OR1J2: variants seen among roughly 807,000 people sequenced by gnomAD.
OR1J2 encodes olfactory receptor family 1 subfamily J member 2, also known as olfactory receptor 1J2.
For synonymous variants in OR1J2, 142 were observed against 99.7 expected, an observed-to-expected ratio of 1.42 and a Z score of -2.52; for missense variants, 304 against 246.1, an observed-to-expected ratio of 1.24 and a Z score of -1.57.
chr9:122,518,465 T>C, the OR1J2 span, among the ~76,000 whole-genome samples: 1 of 152,248 alleles, frequency 6.6e-6, no homozygotes, highest in Admixed American at 6.5e-5. Context: ...AGTCCTCACA[T>C]GGCAATGCCA....
the OR1J2 span, among the ~76,000 whole-genome samples, chr9:122,464,681 A>C: frequency 6.6e-6 from 1 of 152,182 alleles, no homozygotes; most frequent in Non-Finnish European, 1.5e-5. Context: ...TGGGTGAGGA[A>C]CTGGGTAGGT....
At chr9:122,576,096 G>A in the OR1J2 span, among the ~76,000 whole-genome samples, 5 of 152,116 alleles carry the variant, frequency 3.3e-5, no homozygotes, top group African/African-American at 1.2e-4. Context: ...ATATTGTAAG[G>A]CTGAATAAAT....
At chr9:122,500,474 T>A in the OR1J2 span, among the ~76,000 whole-genome samples, 1 of 152,228 alleles carries the variant, frequency 6.6e-6, no homozygotes. Flanking sequence ...CCTTCTTGAA[T>A]TAAAGTGCAC....
the OR1J2 span, among the ~76,000 whole-genome samples, chr9:122,518,091 GA>G: frequency 6.6e-6 from 1 of 152,162 alleles, no homozygotes; most frequent in Non-Finnish European, 1.5e-5. Flanking sequence ...CAATAGCAAA[GA>G]CATGGAATCA....
chr9:122,503,406 G>A, the OR1J2 span, among the ~76,000 whole-genome samples: 12 of 152,188 alleles, frequency 7.9e-5, no homozygotes, highest in African/African-American at 2.9e-4. Context: ...TTCAGCAGTG[G>A]CAGCAGCTAG....
chr9:122,457,333 C>G, the OR1J2 span, among the ~76,000 whole-genome samples: 92 of 152,090 alleles, frequency 6.0e-4, no homozygotes, highest in East Asian at 0.012. Context: ...ACACGTTTGC[C>G]TATGTAACAA....
the OR1J2 span, among the ~76,000 whole-genome samples, chr9:122,466,877 G>A: frequency 6.6e-6 from 1 of 152,016 alleles, no homozygotes; most frequent in South Asian, 2.1e-4. Flanking sequence ...GGAGTGCAGT[G>A]GTGCGATCTC....
At chr9:122,457,413 C>T in the OR1J2 span, among the ~76,000 whole-genome samples, 1 of 151,966 alleles carries the variant, frequency 6.6e-6, no homozygotes, top group African/African-American at 2.4e-5. Context: ...ATCAAAGAAA[C>T]TACTACTACC....
chr9:122,517,850 CT>C, the OR1J2 span, among the ~76,000 whole-genome samples: 1 of 152,084 alleles, frequency 6.6e-6, no homozygotes, highest in Non-Finnish European at 1.5e-5. Flanking sequence ...TTCGTTAGCT[CT>C]TTTTCCTGAT....
chr9:122,498,945 A>G, the OR1J2 span, among the ~76,000 whole-genome samples: 1 of 152,118 alleles, frequency 6.6e-6, no homozygotes, highest in African/African-American at 2.4e-5. Context: ...CAGATTTTAT[A>G]TTGGGCTGTG....
chr9:122,553,507 G>C, the OR1J2 span: 3 of 1,613,976 alleles, frequency 1.9e-6, no homozygotes, highest in South Asian at 3.3e-5. Context: ...TCGTATTCTG[G>C]GTGTCTTGCA....
chr9:122,550,015 C>T, the OR1J2 span, among the ~76,000 whole-genome samples: 3 of 151,738 alleles, frequency 2.0e-5, no homozygotes, highest in African/African-American at 4.8e-5. Context: ...TCCATTTATT[C>T]GTGTCATCTA....
At chr9:122,554,232 A>G in the OR1J2 span, 2 of 1,198,364 alleles carry the variant, frequency 1.7e-6, no homozygotes, top group African/African-American at 1.5e-5. Context: ...CAGTAATTCT[A>G]CTACTGTCAT....
At chr9:122,523,043 A>G in the OR1J2 span, among the ~76,000 whole-genome samples, 1 of 152,302 alleles carries the variant, frequency 6.6e-6, no homozygotes, top group African/African-American at 2.4e-5. Context: ...AGAGACGATG[A>G]AATACTTACA....
chr9:122,573,473 T>C, the OR1J2 span, among the ~76,000 whole-genome samples: 1 of 152,238 alleles, frequency 6.6e-6, no homozygotes, highest in East Asian at 1.9e-4. Flanking sequence ...ATTGTTGTTT[T>C]AATTTGAATT....
chr9:122,495,781 C>T, the OR1J2 span, among the ~76,000 whole-genome samples: 20 of 152,138 alleles, frequency 1.3e-4, no homozygotes, highest in African/African-American at 4.8e-4. Flanking sequence ...GTATTACCAG[C>T]ATTTTTTTCT....
At chr9:122,548,885 T>C in the OR1J2 span, among the ~76,000 whole-genome samples, 1 of 151,892 alleles carries the variant, frequency 6.6e-6, no homozygotes, top group African/African-American at 2.4e-5. Flanking sequence ...GTCAGATGCA[T>C]AGTTGGCAAA....
chr9:122,520,178 T>G, the OR1J2 span: 4 of 817,688 alleles, frequency 4.9e-6, no homozygotes, highest in East Asian at 1.1e-4. Flanking sequence ...GCTCAGTAAC[T>G]CTCTGATGAC....
the OR1J2 span, among the ~76,000 whole-genome samples, chr9:122,572,521 G>T: frequency 6.6e-6 from 1 of 152,032 alleles, no homozygotes; most frequent in African/African-American, 2.4e-5. Context: ...TAAAGTACAG[G>T]GTGAGTGTAT....
Sources: gnomAD v4.1 joint callset for allele counts (sites outside exome capture counted in the v4.1 genomes callset) on GRCh38, gnomAD v4.1.1 for gene constraint, MANE v1.5 for transcripts, NCBI Gene and HGNC (gene_info 2026-07-23, HGNC 2026-07-21) for gene names.